Variants in GRID1 observed in about 807,000 individuals in gnomAD.
The protein encoded by GRID1 is glutamate receptor ionotropic, delta-1.
In GRID1, 28 loss-of-function variants were observed where a neutral mutation model predicts 98.0. The observed-to-expected ratio is 0.29, with a 90% CI of 0.21 to 0.39. The LOEUF (loss-of-function observed/expected upper bound fraction) is 0.39. Among genes scored for constraint, GRID1 ranks in the 10% least tolerant of loss-of-function variants. The probability of loss-of-function intolerance (pLI) is 1.00; values close to 1 mark genes in which losing one functional copy is unlikely to be tolerated. For missense variants in GRID1, 1,111 were observed against 1,340.5 expected (o/e 0.83, Z 2.67); for synonymous variants, 553 against 538.5 (o/e 1.03, Z -0.37).
chr10:85,949,505 GATAAATATTCAATTATTT>G (rs1243951092), intron 4 of GRID1, among the ~76,000 whole-genome samples: 1 of 151,922 alleles, frequency 6.6e-6, no homozygotes, highest in East Asian at 1.9e-4. Context: ...TCTTTTTATG[GATAAATATTCAATTATTT>G]ATCCAAACAC....
intron 8 of GRID1, among the ~76,000 whole-genome samples, chr10:85,821,282 C>A (rs956140049): frequency 3.5e-4 from 53 of 151,826 alleles, no homozygotes; most frequent in African/African-American, 1.2e-3. Flanking sequence ...CTTTGGGAGG[C>A]CGAAATGGGC....
At chr10:86,080,374 AAGGAAAGGAAAGGGAAGGG>A (rs1843950146) in intron 4 of GRID1, among the ~76,000 whole-genome samples, 1 of 87,626 alleles carries the variant, frequency 1.1e-5, no homozygotes, top group African/African-American at 5.3e-5. Context: ...GAGAGAGAAA[AAGGAAAGGAAAGGGAAGGG>A]AAGGGAAGGG....
intron 4 of GRID1, among the ~76,000 whole-genome samples, chr10:86,068,578 TC>T (rs1170821766): frequency 5.3e-5 from 8 of 152,302 alleles, no homozygotes; most frequent in African/African-American, 1.7e-4. Context: ...AGGCAAATGT[TC>T]CCACGTGGGG....
At chr10:86,351,521 T>A (rs1210815741) in intron 2 of GRID1, among the ~76,000 whole-genome samples, 3 of 152,100 alleles carry the variant, frequency 2.0e-5, no homozygotes, top group Non-Finnish European at 2.9e-5. Flanking sequence ...AAAGTAGGCA[T>A]GAGATTCGCA....
At chr10:86,213,878 C>A (rs1328548105) in intron 2 of GRID1, among the ~76,000 whole-genome samples, 1 of 152,160 alleles carries the variant, frequency 6.6e-6, no homozygotes, top group African/African-American at 2.4e-5. Context: ...GTGTCCCATC[C>A]ACCCACCAGT....
chr10:86,277,417 C>A (rs1376136056), intron 2 of GRID1, among the ~76,000 whole-genome samples: 2 of 152,150 alleles, frequency 1.3e-5, no homozygotes, highest in Non-Finnish European at 2.9e-5. Context: ...ACTACACGGG[C>A]AAACATAAAA....
chr10:85,779,803 G>T (rs1284518213), intron 8 of GRID1, among the ~76,000 whole-genome samples: 1 of 152,162 alleles, frequency 6.6e-6, no homozygotes, highest in East Asian at 1.9e-4. Flanking sequence ...GCCCTGTGGA[G>T]ATGAAGACGG....
intron 6 of GRID1, among the ~76,000 whole-genome samples, chr10:85,866,384 T>C (rs1843221860): frequency 2.6e-5 from 4 of 151,326 alleles, no homozygotes; most frequent in Admixed American, 2.6e-4. Flanking sequence ...ACAGTAATGA[T>C]GATAATAGGT....
intron 4 of GRID1, among the ~76,000 whole-genome samples, chr10:86,012,554 C>T (rs1171531358): frequency 6.6e-6 from 1 of 152,184 alleles, no homozygotes; most frequent in Non-Finnish European, 1.5e-5. Flanking sequence ...CCTAAAGGGA[C>T]CTGAAACTAT....
chr10:86,032,221 G>A (rs1016223575), intron 4 of GRID1, among the ~76,000 whole-genome samples: 19 of 152,004 alleles, frequency 1.2e-4, no homozygotes, highest in African/African-American at 2.4e-4. Context: ...GGCAGCCCCC[G>A]CCCGGCAGCC....
At chr10:86,176,752 G>A (rs1283132549) in intron 3 of GRID1, among the ~76,000 whole-genome samples, 1 of 152,192 alleles carries the variant, frequency 6.6e-6, no homozygotes, top group African/African-American at 2.4e-5. Context: ...AGACATTGGT[G>A]ACAGAAAGCC....
At chr10:85,651,475 G>C (rs1472792207) in intron 12 of GRID1, among the ~76,000 whole-genome samples, 3 of 152,176 alleles carry the variant, frequency 2.0e-5, no homozygotes, top group Non-Finnish European at 4.4e-5. Flanking sequence ...TGCTGCCAAG[G>C]TACATGCAAA....
At chr10:85,732,465 A>G (rs931849516) in intron 8 of GRID1, among the ~76,000 whole-genome samples, 1 of 152,158 alleles carries the variant, frequency 6.6e-6, no homozygotes, top group African/African-American at 2.4e-5. Flanking sequence ...GTGCATCTTG[A>G]TCAACAAGGC....
At chr10:86,315,521 A>G (rs1847886100) in intron 2 of GRID1, among the ~76,000 whole-genome samples, 1 of 152,122 alleles carries the variant, frequency 6.6e-6, no homozygotes, top group South Asian at 2.1e-4. Context: ...AAGGAACTGG[A>G]TTTTGGCATA....
chr10:86,125,649 T>C (rs1392257313), intron 4 of GRID1, among the ~76,000 whole-genome samples: 1 of 152,144 alleles, frequency 6.6e-6, no homozygotes, highest in Non-Finnish European at 1.5e-5. Flanking sequence ...AATGTTTCAC[T>C]GAATGTGACT....
intron 4 of GRID1, among the ~76,000 whole-genome samples, chr10:85,992,618 G>A (rs1398218845): frequency 6.6e-6 from 1 of 151,732 alleles, no homozygotes; most frequent in African/African-American, 2.4e-5. Flanking sequence ...GGAGAGGTGG[G>A]GGGGGAACAA....
At chr10:85,675,478 C>T (rs1841134208) in intron 12 of GRID1, among the ~76,000 whole-genome samples, 1 of 152,192 alleles carries the variant, frequency 6.6e-6, no homozygotes, top group Non-Finnish European at 1.5e-5. Flanking sequence ...GAATGACAGA[C>T]ATCTTACGTG....
intron 3 of GRID1, among the ~76,000 whole-genome samples, chr10:86,169,086 T>C (rs12257526): frequency 0.2 from 31,120 of 152,192 alleles, 3,873 homozygotes; most frequent in African/African-American, 0.35. Context: ...GTGCACTGGT[T>C]CAGGCCAATC....
chr10:86,014,167 A>G (rs1842952874), intron 4 of GRID1, among the ~76,000 whole-genome samples: 1 of 152,092 alleles, frequency 6.6e-6, no homozygotes, highest in African/African-American at 2.4e-5. Context: ...ATTTAACATG[A>G]CTCCACTGAG....
Sources: allele counts gnomAD v4.1 joint callset (sites outside exome capture counted in the v4.1 genomes callset), GRCh38; gene constraint gnomAD v4.1.1; transcripts MANE v1.5; gene names NCBI Gene and HGNC (gene_info 2026-07-23, HGNC 2026-07-21).